Variants in COL5A1 observed in about 807,000 individuals in gnomAD.
The protein encoded by COL5A1 is collagen alpha-1(V) chain.
In COL5A1, 16 loss-of-function variants were observed where a neutral mutation model predicts 263.7. The observed-to-expected ratio is 0.06, with a 90% CI of 0.04 to 0.09. The LOEUF is 0.09. Ranked by LOEUF, COL5A1 falls within the 10% of genes least tolerant of loss-of-function variation. COL5A1 has a pLI of 1.00. For missense variants in COL5A1, 2,036 were observed against 2,540.5 expected, an observed-to-expected ratio of 0.80 and a Z score of 4.27; for synonymous variants, 1,012 against 1,004.5, an observed-to-expected ratio of 1.01 and a Z score of -0.14.
intron 9 of COL5A1, among the ~76,000 whole-genome samples, chr9:134,736,006 G>A (rs1206347423): frequency 1.3e-5 from 2 of 151,560 alleles, no homozygotes; most frequent in Non-Finnish European, 2.9e-5. Context: ...GGCCCCCCCA[G>A]CCGGGAGTCC....
At chr9:134,712,166 T>TCTTCTTCCTTCCCCCCTCCTTCCTGCCCC (rs1834077590) in intron 4 of COL5A1, among the ~76,000 whole-genome samples, 1 of 9,480 alleles carries the variant, frequency 1.1e-4, no homozygotes, top group Non-Finnish European at 1.8e-4. Context: ...TTCCTGCCCA[T>TCTTCTTCCTTCCCCCCTCCTTCCTGCCCC]CTTCTTCCTT....
rs760185902 is a variant in COL5A1 at position 134,830,044 on chromosome 9, G to C, written c.5136G>C (p.Leu1712=). The C allele has an allele frequency of 6.2e-7, 1 of 1,614,012 alleles. No homozygotes were observed. Among genetic ancestry groups the C allele is most frequent in the Non-Finnish European group, 8.5e-7 (1 of 1,179,950 alleles). Residue 1712 remains leucine, a splice_region_variant and synonymous_variant, in exon 64 of 66, where the codon CTG becomes CTC. Coordinates refer to ENST00000371817, the MANE Select transcript of COL5A1 (RefSeq NM_000093.5). ...TCAGTGAATTCAAGCGTGGGAAACTGGTAAGGTGGCCTCTGGCGTCTTTGC... is the reference window on the plus strand; with the variant it reads ...TCAGTGAATTCAAGCGTGGGAAACTCGTAAGGTGGCCTCTGGCGTCTTTGC... ...SWFSEFKRGK[L]LSYVDAEGNP...
chr9:134,787,690 C>T (rs1837512618), intron 31 of COL5A1, among the ~76,000 whole-genome samples: 2 of 152,198 alleles, frequency 1.3e-5, no homozygotes, highest in Admixed American at 1.3e-4. Context: ...GCATTCATTC[C>T]CAACTCTGCA....
intron 18 of COL5A1, among the ~76,000 whole-genome samples, chr9:134,759,512 C>T (rs1225623399): frequency 2.2e-5 from 3 of 135,236 alleles, no homozygotes; most frequent in Admixed American, 7.3e-5. Context: ...CATGCACACA[C>T]ACATACACAC....
chr9:134,755,205 C>T lies in COL5A1; in HGVS notation c.1827+879C>T, dbSNP rs540326042. On this transcript the variant is annotated intron_variant, in intron 16 of 65. Coordinates refer to ENST00000371817, the MANE Select transcript of COL5A1 (RefSeq NM_000093.5). The surrounding 1 kb of genome is among the most constrained non-coding windows in gnomAD (Gnocchi z 4.1). Reference sequence around the variant, plus strand: ...GATAATTCCAGGAGGATTAGCAGCTCTGGAATCGACTCTTGGTAGACAATT... The same window carrying T: ...GATAATTCCAGGAGGATTAGCAGCTTTGGAATCGACTCTTGGTAGACAATT... 6.6e-6 allele frequency among the ~76,000 whole-genome samples: 1 copy of T among 152,034 alleles called. No individual in the cohort carries two copies. Among genetic ancestry groups the T allele is most frequent in the East Asian group, 1.9e-4 (1 of 5,188 alleles).
Position 134,823,458 on chromosome 9 carries a change from C to T in COL5A1, c.4687C>T (p.Pro1563Ser), listed in dbSNP as rs1839109979. 1.9e-6 allele frequency: 3 copies of T among 1,614,194 alleles called. No individual in the cohort carries two copies. Among genetic ancestry groups the T allele is most frequent in the Non-Finnish European group, 2.5e-6 (3 of 1,180,006 alleles). The change falls in exon 61 of 66, where the codon CCA (proline) becomes TCA (serine). Residue 1563 changes from proline (P) to serine (S), a missense_variant. By Grantham distance (74) the Pro-to-Ser change is moderately conservative. Coordinates refer to ENST00000371817, the MANE Select transcript of COL5A1 (RefSeq NM_000093.5). ...GGGTGAGGCAGGCCACCCAGGACCC[C>T]CAGGCCCCCCGGTAAGTAGCCCTTG... ...PKGEAGHPGP[P>S]GPPGPPGEVI...
chr9:134,734,938 C>T (rs908625474), intron 9 of COL5A1, among the ~76,000 whole-genome samples: 5 of 152,124 alleles, frequency 3.3e-5, no homozygotes, highest in African/African-American at 7.2e-5. Flanking sequence ...CGGCCGGGTG[C>T]GGTGGCTCAC....
intron 18 of COL5A1, among the ~76,000 whole-genome samples, chr9:134,761,402 C>G (rs1457647298): frequency 6.6e-6 from 1 of 152,210 alleles, no homozygotes; most frequent in African/African-American, 2.4e-5. Context: ...TTGGCTGTTG[C>G]CATTTATCCA....
rs1831507349 is a variant in COL5A1 at position 134,647,358 on chromosome 9, G to A, written c.109+5062G>A. ...GGTTTGCACTCATGTGTGCGTTTGT[G>A]TGTATGTGTGTCATGTGTGCGTGTG... On this transcript the variant is annotated intron_variant, in intron 1 of 65. Transcript: ENST00000371817. This position sits in a 1 kb window ranked among gnomAD's most constrained non-coding sequence, Gnocchi z 5.0. Among the ~76,000 whole-genome samples the A allele has an allele frequency of 3.9e-5, 6 of 152,114 alleles. No homozygotes were observed. In the South Asian group the frequency reaches 1.0e-3, roughly 26 times the overall value.
In COL5A1 at chr9:134,690,928, C is replaced by T. The variant is rs149369116; in HGVS notation, c.126C>T (p.Leu42=). 1,194 of 1,613,792 alleles carry T rather than the reference C, an allele frequency of 7.4e-4. 1 individual carries two copies. Among genetic ancestry groups the T allele is most frequent in the Non-Finnish European group, 9.5e-4 (1,119 of 1,180,050 alleles). Residue 42 remains leucine (L), a synonymous_variant, in exon 2 of 66, where the codon CTC becomes CTT. Coordinates refer to ENST00000371817, the MANE Select transcript of COL5A1 (RefSeq NM_000093.5). ...TCATTTCAGCTCAGCCAGCAGATCT[C>T]CTGAAGGTTCTAGATTTTCACAACT... The part of the protein sequence containing the change: ...PPSRAAQPAD[L]LKVLDFHNLP...
chr9:134,693,691 C>T lies in COL5A1; in HGVS notation c.277+2612C>T, dbSNP rs150268427. On this transcript the variant is annotated intron_variant, in intron 2 of 65. Transcript: ENST00000371817. Reference sequence around the variant, plus strand: ...GACGCCATACCCCGCCTCGCCCCTTCCGCCCGGCCCTCCGAGCAAACTCGC... The same window carrying T: ...GACGCCATACCCCGCCTCGCCCCTTTCGCCCGGCCCTCCGAGCAAACTCGC... 9.9e-4 allele frequency among the ~76,000 whole-genome samples: 151 copies of T among 152,320 alleles called. 1 individual carries two copies. In the East Asian group the frequency reaches 0.012, roughly 12 times the overall value.
At chr9:134,672,961 C>G (rs1244520451) in intron 1 of COL5A1, among the ~76,000 whole-genome samples, 1 of 152,114 alleles carries the variant, frequency 6.6e-6, no homozygotes, top group South Asian at 2.1e-4. Flanking sequence ...TGAAAATATG[C>G]ATGACTTATT....
Position 134,765,145 on chromosome 9 carries a change from G to A in COL5A1, c.2035-536G>A, listed in dbSNP as rs183365226. ...CAGAGTAGCGTCCTGGAAAAGATCTGTACCCCACGCCTCCTTCTGCACATT... is the reference window on the plus strand; with the variant it reads ...CAGAGTAGCGTCCTGGAAAAGATCTATACCCCACGCCTCCTTCTGCACATT... On this transcript the variant is annotated intron_variant, in intron 20 of 65. Coordinates refer to ENST00000371817, the MANE Select transcript of COL5A1 (RefSeq NM_000093.5). This position sits in a 1 kb window ranked among gnomAD's most constrained non-coding sequence, Gnocchi z 5.1. 1.8e-3 allele frequency among the ~76,000 whole-genome samples: 276 copies of A among 152,250 alleles called. 1 individual carries two copies. The highest frequency in any genetic ancestry group is 6.1e-3 in the African/African-American group (253 of 41,546).
intron 21 of COL5A1, among the ~76,000 whole-genome samples, 162 bp from the exon 22 acceptor site, chr9:134,766,292 G>A (rs1836661675): frequency 1.3e-5 from 2 of 152,220 alleles, no homozygotes; most frequent in African/African-American, 4.8e-5. Flanking sequence ...GGACCTCTGG[G>A]AAGGGATTTG....
intron 4 of COL5A1, among the ~76,000 whole-genome samples, chr9:134,726,903 A>T (rs1834678861): frequency 6.6e-6 from 1 of 150,784 alleles, no homozygotes; most frequent in South Asian, 2.1e-4. Flanking sequence ...GGATAGATGG[A>T]TGGATGGGTG....
intron 2 of COL5A1, among the ~76,000 whole-genome samples, chr9:134,697,073 A>G (rs909102859): frequency 5.3e-5 from 8 of 151,800 alleles, no homozygotes; most frequent in Non-Finnish European, 2.9e-5. Context: ...TCTGTCTTAA[A>G]AAAAAAAAAA....
chr9:134,748,359 A>G (rs1397016703), intron 11 of COL5A1, among the ~76,000 whole-genome samples: 2 of 152,132 alleles, frequency 1.3e-5, no homozygotes, highest in African/African-American at 4.8e-5. Flanking sequence ...ACACACATGC[A>G]CATACATACA....
intron 1 of COL5A1, among the ~76,000 whole-genome samples, chr9:134,648,818 C>T (rs925879696): frequency 2.6e-5 from 4 of 152,196 alleles, no homozygotes; most frequent in Non-Finnish European, 5.9e-5. Flanking sequence ...CAGCGGATCG[C>T]TCGCTGCTCG....
rs368113768 is a variant in COL5A1 at position 134,785,874 on chromosome 9, G to A, written c.2593-121G>A. The A allele has an allele frequency of 1.4e-3, 1,218 of 878,846 alleles. 25 individuals are homozygous for A. In the South Asian group the frequency reaches 0.017, roughly 12 times the overall value. 54.4% of individuals were successfully genotyped at this position (878,846 alleles called of 1,614,324 possible). ...CTTCTGCATAATGACGTGTGCCCCC[G>A]CCTCTGGAAACCACACCCTCCTCCA... On this transcript the variant is annotated intron_variant, in intron 30 of 65. Coordinates refer to ENST00000371817, the MANE Select transcript of COL5A1 (RefSeq NM_000093.5).
Sources: allele counts gnomAD v4.1 joint callset (sites outside exome capture counted in the v4.1 genomes callset), GRCh38; gene constraint gnomAD v4.1.1; non-coding constraint Gnocchi (gnomAD v3.1); transcripts MANE v1.5; gene names NCBI Gene and HGNC (gene_info 2026-07-23, HGNC 2026-07-21).